ABCB5: variants seen among roughly 807,000 people sequenced by gnomAD.
ABCB5 encodes ATP binding cassette subfamily B member 5.
In ABCB5, 155 loss-of-function variants were observed where a neutral mutation model predicts 144.2. That is an observed-to-expected ratio of 1.08 (90% CI 0.94 to 1.23). The LOEUF (loss-of-function observed/expected upper bound fraction) is 1.23. ABCB5 is among the 50% of genes most tolerant of loss of function. The pLI, the probability that ABCB5 is intolerant of heterozygous loss-of-function variation, is 0.00. For missense variants in ABCB5, 1,830 were observed against 1,520.8 expected (o/e 1.20, Z -3.38); for synonymous variants, 610 against 528.6 (o/e 1.15, Z -2.11).
intron 21 of ABCB5, 84 bp from the exon 22 acceptor site, chr7:20,726,956 A>T (rs756640817): frequency 6.2e-4 from 523 of 847,044 alleles, no homozygotes; most frequent in Non-Finnish European, 8.4e-4. Flanking sequence ...ATATGTCCCC[A>T]GTGTGAGTGA....
chr7:20,720,056 A>C (rs1583449481), intron 20 of ABCB5, among the ~76,000 whole-genome samples: 1 of 152,302 alleles, frequency 6.6e-6, no homozygotes, highest in East Asian at 1.9e-4. Context: ...TTCTCCACTA[A>C]AAGAACCCAG....
intron 15 of ABCB5, among the ~76,000 whole-genome samples, chr7:20,682,062 G>T (rs1785849970): frequency 6.6e-6 from 1 of 152,082 alleles, no homozygotes; most frequent in African/African-American, 2.4e-5. Context: ...AAAATTAGCT[G>T]GGTGTGGTGG....
chr7:20,750,600 G>A (rs1314800109), intron 26 of ABCB5, among the ~76,000 whole-genome samples: 1 of 151,828 alleles, frequency 6.6e-6, no homozygotes, highest in Admixed American at 6.6e-5. Context: ...TCCTTCTGGG[G>A]GTGTTAAATA....
At chr7:20,750,076 T>C (rs1025806219) in intron 26 of ABCB5, among the ~76,000 whole-genome samples, 1 of 152,194 alleles carries the variant, frequency 6.6e-6, no homozygotes, top group African/African-American at 2.4e-5. Context: ...ATAGGGAACA[T>C]GTTGGGAATT....
chr7:20,707,989 TAG>T (rs1422299640), intron 20 of ABCB5, among the ~76,000 whole-genome samples: 1 of 151,948 alleles, frequency 6.6e-6, no homozygotes, highest in African/African-American at 2.4e-5. Context: ...GTATTTTTAG[TAG>T]AGACGGGTTT....
At chr7:20,647,144 T>C (rs1436102740) in intron 9 of ABCB5, among the ~76,000 whole-genome samples, 7 of 152,202 alleles carry the variant, frequency 4.6e-5, no homozygotes, top group Non-Finnish European at 1.0e-4. Context: ...ACTGAATTTT[T>C]CTTTTTAAAG....
intron 5 of ABCB5, among the ~76,000 whole-genome samples, chr7:20,632,628 T>G (rs530961151): frequency 3.4e-4 from 51 of 152,132 alleles, no homozygotes; most frequent in African/African-American, 1.1e-3. Context: ...CCAACAATGA[T>G]AGACTGGATT....
chr7:20,646,420 T>C (rs746598046), intron 9 of ABCB5, among the ~76,000 whole-genome samples: 8 of 152,218 alleles, frequency 5.3e-5, no homozygotes, highest in Non-Finnish European at 1.2e-4. Flanking sequence ...TGAGTTTTGT[T>C]AATCTAGCAG....
At position 20,643,485 on chromosome 7, in the gene ABCB5, T is replaced by A; in HGVS notation, c.531T>A (p.Gly177=). The A allele has an allele frequency of 2.5e-6, 4 of 1,614,008 alleles. No individual in the cohort carries two copies. The highest frequency in any genetic ancestry group is 2.5e-6 in the Non-Finnish European group (3 of 1,179,886). ...GTGACATTGACAAAATCAGTGATGG[T>A]ATTGGAGATAAGATTGCTCTGTTGT... is the stretch of plus-strand genomic sequence containing the variant. ...MTDDIDKISD[G]IGDKIALLFQ... The change falls in exon 7 of 28, where the codon GGT becomes GGA. Residue 177 remains glycine, a synonymous_variant. Transcript: ENST00000404938.
rs772644082 is a variant in ABCB5 at position 20,647,555 on chromosome 7, T to C, written c.1002T>C (p.His334=). The C allele has an allele frequency of 1.3e-6, 2 of 1,582,832 alleles. No homozygotes were observed. The highest frequency in any genetic ancestry group is 8.6e-7 in the Non-Finnish European group (1 of 1,163,270). The change falls in exon 10 of 28, where the codon CAT becomes CAC. Residue 334 remains histidine, a synonymous_variant. Coordinates refer to ENST00000404938, the MANE Select transcript of ABCB5 (RefSeq NM_001163941.2). The stretch of plus-strand genomic sequence containing the variant: ...TGTAGGTTTTCTTTAGTGTAATCCA[T>C]AGCAGTTATTGCATTGGAGCAGCAG... The part of the protein sequence containing the change: ...TVLAVFFSVI[H]SSYCIGAAVP...
intron 14 of ABCB5, among the ~76,000 whole-genome samples, chr7:20,680,805 T>C (rs1019728240): frequency 1.3e-5 from 2 of 152,202 alleles, no homozygotes; most frequent in African/African-American, 4.8e-5. Flanking sequence ...ATCCCCATTT[T>C]AAAGATGAAA....
intron 21 of ABCB5, among the ~76,000 whole-genome samples, chr7:20,726,356 A>ATTTTTT (rs1562581420): frequency 6.1e-5 from 4 of 65,780 alleles, no homozygotes; most frequent in African/African-American, 2.4e-4. Context: ...TATCTCTGCT[A>ATTTTTT]TCTTTTTTTT....
chr7:20,689,839 A>G (rs1433975917), intron 16 of ABCB5, among the ~76,000 whole-genome samples: 1 of 152,194 alleles, frequency 6.6e-6, no homozygotes, highest in Non-Finnish European at 1.5e-5. Flanking sequence ...AATTTGAACC[A>G]GAGAGGCAAT....
chr7:20,656,904 TC>T (rs1052699364), intron 13 of ABCB5, among the ~76,000 whole-genome samples: 4 of 129,174 alleles, frequency 3.1e-5, no homozygotes, highest in African/African-American at 1.0e-4. Flanking sequence ...TTTTTCTTTT[TC>T]CTTTTTCTTT....
rs574111613 is a variant in ABCB5 at position 20,723,355 on chromosome 7, T to C, written c.2625+136T>C. The C allele has an allele frequency of 7.5e-6, 7 of 928,578 alleles. No individual in the cohort carries two copies. The Admixed American group carries it at 1.2e-4, about 16-fold the overall frequency. The allele number at this position is 928,578 out of a possible 1,614,324, so 57.5% of individuals were successfully genotyped here. On this transcript the variant is annotated intron_variant, in intron 21 of 27. Transcript: ENST00000404938. ...CATCTCTTAGGGATCTGTAAAGTGA[T>C]ATGTATAGAGAGAGAAATGCATACA...
intron 20 of ABCB5, among the ~76,000 whole-genome samples, chr7:20,720,801 G>A (rs1487049303): frequency 5.3e-5 from 8 of 151,618 alleles, no homozygotes; most frequent in East Asian, 3.9e-4. Flanking sequence ...AAAATTAGCC[G>A]GGCATGGTGG....
rs1201328024 is a variant in ABCB5, at chr7:20,745,283, C to T, written c.3274C>T (p.Gln1092Ter). Residue 1092 changes from glutamine to a stop codon, truncating the protein, a stop_gained, in exon 26 of 28, where the codon CAA becomes TAA. Coordinates refer to ENST00000404938, the MANE Select transcript of ABCB5 (RefSeq NM_001163941.2). LOFTEE classifies it high-confidence loss of function. ...KELNVQWLRSQIAIVPQEPVL... is the reference protein window; with the variant it reads ...KELNVQWLRS The stretch of plus-strand genomic sequence containing the variant: ...ATTGAATGTACAGTGGCTCCGTTCC[C>T]AAATAGCAATCGTTCCTCAAGAGCC... 1 of 1,613,982 alleles carries T rather than the reference C, an allele frequency of 6.2e-7. No individual in the cohort carries two copies. Among genetic ancestry groups the T allele is most frequent in the African/African-American group, 1.3e-5 (1 of 75,010 alleles).
At chr7:20,679,487 G>A (rs867584491) in intron 14 of ABCB5, among the ~76,000 whole-genome samples, 866 of 37,448 alleles carry the variant, frequency 0.023, 9 homozygotes, top group African/African-American at 0.052. Flanking sequence ...AAAAAAAAAA[G>A]AGAGAGAGAG....
rs751025520 is a variant in ABCB5, at chr7:20,723,091, T to G, written c.2497T>G (p.Tyr833Asp). 6 of 1,614,008 alleles carry G rather than the reference T, an allele frequency of 3.7e-6. No homozygotes were observed. The South Asian group carries it at 5.5e-5, about 15-fold the overall frequency. Residue 833 changes from tyrosine (Y) to aspartate (D), a missense_variant, in exon 21 of 28, where the codon TAT (tyrosine) becomes GAT (aspartate). Tyr to Asp is a radical substitution (Grantham distance 160). Transcript: ENST00000404938. ...MGLSVIISFI[Y>D]GWEMTFLILS... ...ACTTTCAGTTATCATTTCCTTTATA[T>G]ATGGATGGGAGATGACATTCCTGAT... is the stretch of plus-strand genomic sequence containing the variant.
Sources: allele counts gnomAD v4.1 joint callset (sites outside exome capture counted in the v4.1 genomes callset), GRCh38; gene constraint gnomAD v4.1.1; transcripts MANE v1.5; gene names NCBI Gene and HGNC (gene_info 2026-07-23, HGNC 2026-07-21).